The following VPS29 variants were observed in gnomAD, a reference collection of about 807,000 sequenced individuals.
VPS29 encodes vacuolar protein sorting-associated protein 29.
VPS29 carries 2 observed loss-of-function variants against 20.0 expected under a neutral mutation model. The ratio of observed to expected loss-of-function variants is 0.10; its 90% CI spans 0.04 to 0.31. The LOEUF (loss-of-function observed/expected upper bound fraction) is 0.31. Ranked by LOEUF, VPS29 falls within the 10% of genes least tolerant of loss-of-function variation. The pLI, the probability that VPS29 is intolerant of heterozygous loss-of-function variation, is 1.00. For synonymous variants in VPS29, 81 were observed against 79.3 expected (o/e 1.02, Z -0.12); for missense variants, 120 against 215.3 (o/e 0.56, Z 2.77).
chr12:110,501,389 G>A, intron 1 of VPS29: 1 of 1,535,194 alleles, frequency 6.5e-7, no homozygotes, highest in Middle Eastern at 1.7e-4. Context: ...CAGTTTCAAT[G>A]AGTTCACACA....
At chr12:110,494,320 T>G (rs2062865438) in intron 2 of VPS29, among the ~76,000 whole-genome samples, 1 of 150,270 alleles carries the variant, frequency 6.7e-6, no homozygotes, top group African/African-American at 2.5e-5. Flanking sequence ...TGGCGCGATC[T>G]CGGCTCACTG....
Position 110,491,109 on chromosome 12 carries a change from T to C in VPS29, c.*896A>G, listed in dbSNP as rs1004310439. On this transcript the variant is annotated 3_prime_UTR_variant, in exon 4 of 4. Coordinates refer to ENST00000549578, the MANE Select transcript of VPS29 (RefSeq NM_016226.5). The stretch of plus-strand genomic sequence containing the variant: ...TTTGTTTTTTTTTGAGACGGAGTTA[T>C]GCTCTTGTTGACCAGGCTGGAGTGC... The C allele has an allele frequency of 6.6e-6, 1 of 152,084 alleles. No homozygotes were observed. The highest frequency in any genetic ancestry group is 1.5e-5 in the Non-Finnish European group (1 of 68,052). The allele number at this position is 152,084 out of a possible 1,614,324, so 9.4% of individuals were successfully genotyped here. A position where few individuals can be genotyped will look rare whatever the true frequency, so the allele number is the denominator to read the frequency against.
chr12:110,501,882 C>T, intron 1 of VPS29, 167 bp downstream of exon 1: 2 of 1,499,830 alleles, frequency 1.3e-6, no homozygotes, highest in South Asian at 1.2e-5. Context: ...TGGCCGCTCC[C>T]TTCCTTCCCT....
chr12:110,495,661 C>T (rs1297694784), intron 2 of VPS29, among the ~76,000 whole-genome samples: 2 of 151,852 alleles, frequency 1.3e-5, no homozygotes, highest in Non-Finnish European at 2.9e-5. Flanking sequence ...GAGCCAAGAT[C>T]GTGCCACTGC....
chr12:110,492,049 C>T lies in VPS29; in HGVS notation c.505G>A (p.Gly169Arg), dbSNP rs2062824598. The T allele has an allele frequency of 6.2e-7, 1 of 1,613,732 alleles. No homozygotes were observed. Among genetic ancestry groups the T allele is most frequent in the Admixed American group, 1.7e-5 (1 of 59,992 alleles). Residue 169 changes from glycine to arginine, a missense_variant, in exon 4 of 4, where the codon GGA becomes AGA. Coordinates refer to ENST00000549578, the MANE Select transcript of VPS29 (RefSeq NM_016226.5). ...ATTCGTTCTACTTTCACATCATCTC[C>T]AATTAGCTGATACACATAGGTGACC... Reference protein sequence around the residue: ...TVVTYVYQLIGDDVKVERIEY... With the variant: ...TVVTYVYQLIRDDVKVERIEY...
intron 1 of VPS29, chr12:110,501,291 T>A: frequency 7.9e-7 from 1 of 1,263,070 alleles, no homozygotes; most frequent in Non-Finnish European, 1.1e-6. Flanking sequence ...AAGGGGTGAT[T>A]GCTTGAAGGT....
chr12:110,501,641 A>C, intron 1 of VPS29: 1 of 1,530,964 alleles, frequency 6.5e-7, no homozygotes, highest in Non-Finnish European at 8.7e-7. Context: ...CCACCACTAC[A>C]CCCCAACCAG....
intron 1 of VPS29, chr12:110,499,566 T>C (rs1207530714): frequency 6.3e-7 from 1 of 1,596,122 alleles, no homozygotes; most frequent in Admixed American, 1.7e-5. Flanking sequence ...ATGAAGAAGT[T>C]GATTGCAGAC....
Position 110,492,944 on chromosome 12 carries a change from C to T in VPS29, c.431+52G>A, listed in dbSNP as rs2062841502. 2.0e-6 allele frequency: 3 copies of T among 1,478,172 alleles called. No homozygotes were observed. The East Asian group carries it at 6.9e-5, about 34-fold the overall frequency. The allele number at this position is 1,478,172 out of a possible 1,614,324, so 91.6% of individuals were successfully genotyped here. The stretch of plus-strand genomic sequence containing the variant: ...CACATTTCTTTTACGAAATGTCACA[C>T]ATGCAATTATTTTACTAAAGCCCCC... On this transcript the variant is annotated intron_variant, in intron 3 of 3. Coordinates refer to ENST00000549578, the MANE Select transcript of VPS29 (RefSeq NM_016226.5).
chr12:110,499,642 A>C, intron 1 of VPS29: 1 of 762,192 alleles, frequency 1.3e-6, no homozygotes, highest in Non-Finnish European at 2.0e-6. Context: ...AAAGAAACCA[A>C]AAAAAAAAAA....
At chr12:110,498,775 C>A (rs1429503916) in intron 1 of VPS29, 1 of 943,240 alleles carries the variant, frequency 1.1e-6, no homozygotes, top group Non-Finnish European at 1.3e-6. Context: ...AAACTAAAAA[C>A]CACTATGAAG....
rs1027615810 is a variant in VPS29, at chr12:110,492,115, T to C, written c.439A>G (p.Ile147Val). Residue 147 changes from isoleucine (I) to valine (V), a missense_variant, in exon 4 of 4, where the codon ATT becomes GTT. Ile to Val is a conservative substitution (Grantham distance 29). Coordinates refer to ENST00000549578, the MANE Select transcript of VPS29 (RefSeq NM_016226.5). ...GAYNALETNI[I>V]PSFVLMDIQA... is the part of the protein sequence containing the mutation. Reference sequence around the variant, plus strand: ...ATATCCATCAACACAAATGATGGAATAATGTTTCTAGAAGAAAAAATAAAT... The same window carrying C: ...ATATCCATCAACACAAATGATGGAACAATGTTTCTAGAAGAAAAAATAAAT... The C allele has an allele frequency of 1.9e-6, 3 of 1,606,350 alleles. No homozygotes were observed. The highest frequency in any genetic ancestry group is 2.7e-5 in the African/African-American group (2 of 74,780).
At chr12:110,495,780 A>G (rs2062896933) in intron 2 of VPS29, among the ~76,000 whole-genome samples, 1 of 152,136 alleles carries the variant, frequency 6.6e-6, no homozygotes, top group Non-Finnish European at 1.5e-5. Flanking sequence ...AGCCACTTTT[A>G]TTCAGTATCT....
intron 1 of VPS29, chr12:110,499,407 G>A: frequency 7.3e-7 from 1 of 1,361,596 alleles, no homozygotes; most frequent in African/African-American, 1.5e-5. Flanking sequence ...TTAAAATAAA[G>A]AGCCAACCCA....
chr12:110,501,656 A>G (rs1275439356), intron 1 of VPS29: 2 of 1,527,606 alleles, frequency 1.3e-6, no homozygotes, highest in Non-Finnish European at 1.8e-6. Context: ...AACCAGCGGG[A>G]GGTGCTTTTT....
intron 1 of VPS29, chr12:110,499,506 G>A (rs1485098821): frequency 1.9e-6 from 3 of 1,612,462 alleles, no homozygotes; most frequent in Non-Finnish European, 1.7e-6. Context: ...AACCACCACT[G>A]TTAGTAGGAG....
At chr12:110,499,345 G>T in intron 1 of VPS29, 1 of 721,398 alleles carries the variant, frequency 1.4e-6, no homozygotes, top group Non-Finnish European at 2.1e-6. Flanking sequence ...AGACATAGAT[G>T]ATAGAGTCCT....
Position 110,496,018 on chromosome 12 carries a change from G to C in VPS29, c.189C>G (p.Phe63Leu). Reference protein sequence around the residue: ...AGDVHIVRGDFDENLNYPEQK... With the variant: ...AGDVHIVRGDLDENLNYPEQK... ...GGAAAGGGAAATACATCACCTCATC[G>C]AAGTCTCCTCTCACAATATGAACAT... The change falls in exon 2 of 4, where the codon TTC becomes TTG. Residue 63 changes from phenylalanine (F) to leucine (L), a missense_variant. Transcript: ENST00000549578. 6.5e-7 allele frequency: 1 copy of C among 1,541,696 alleles called. No homozygotes were observed. Among genetic ancestry groups the C allele is most frequent in the South Asian group, 1.2e-5 (1 of 81,058 alleles).
intron 2 of VPS29, among the ~76,000 whole-genome samples, chr12:110,493,909 A>G (rs1377078299): frequency 2.0e-5 from 3 of 152,176 alleles, no homozygotes. Flanking sequence ...ATACTTTTAT[A>G]GATAGCTTAA....
Sources: allele counts gnomAD v4.1 joint callset (sites outside exome capture counted in the v4.1 genomes callset), GRCh38; gene constraint gnomAD v4.1.1; transcripts MANE v1.5; gene names NCBI Gene and HGNC (gene_info 2026-07-23, HGNC 2026-07-21).